The following ADRA1A variants were observed in gnomAD, a reference collection of about 807,000 sequenced individuals.
ADRA1A encodes adrenoceptor alpha 1A.
ADRA1A carries 31 observed loss-of-function variants against 29.6 expected under a neutral mutation model. The observed-to-expected ratio is 1.05, with a 90% CI of 0.79 to 1.41. ADRA1A has a LOEUF of 1.41. Ranked by LOEUF, ADRA1A falls within the 40% of genes most tolerant of loss-of-function variation. ADRA1A has a pLI of 0.00. For missense variants in ADRA1A, 619 were observed against 601.1 expected, an observed-to-expected ratio of 1.03 and a Z score of -0.31; for synonymous variants, 311 against 254.3, an observed-to-expected ratio of 1.22 and a Z score of -2.12.
chr8:26,779,236 A>G, intron 2 of ADRA1A: 1 of 694,006 alleles, frequency 1.4e-6, no homozygotes, highest in Non-Finnish European at 2.6e-6. Flanking sequence ...CCAGAAGAAT[A>G]TGTATCTAGT....
At chr8:26,770,789 T>C (rs1289332636) in intron 2 of ADRA1A, 123 bp from the exon 3 acceptor site, 17 of 1,366,740 alleles carry the variant, frequency 1.2e-5, no homozygotes, top group Non-Finnish European at 1.6e-5. Context: ...CAAACACATA[T>C]GAGTTTCTCA....
At chr8:26,855,200 A>C (rs1333249086) in intron 2 of ADRA1A, among the ~76,000 whole-genome samples, 2 of 133,476 alleles carry the variant, frequency 1.5e-5, no homozygotes, top group Non-Finnish European at 3.1e-5. Flanking sequence ...AATTTAACTA[A>C]AAGTGTGTGT....
intron 2 of ADRA1A, among the ~76,000 whole-genome samples, chr8:26,757,521 C>CT (rs1419079042): frequency 6.6e-6 from 1 of 151,690 alleles, no homozygotes; most frequent in African/African-American, 2.4e-5. Context: ...TTCCCCCACC[C>CT]CCCACCTCTG....
chr8:26,859,505 T>G (rs998954750), intron 2 of ADRA1A, among the ~76,000 whole-genome samples: 11 of 152,222 alleles, frequency 7.2e-5, no homozygotes. Context: ...CTTGCAATAA[T>G]TGTTGACAAT....
intron 2 of ADRA1A, among the ~76,000 whole-genome samples, chr8:26,794,440 T>C (rs189328926): frequency 2.0e-5 from 3 of 152,196 alleles, no homozygotes; most frequent in Admixed American, 6.6e-5. Flanking sequence ...CAGGGCCAGA[T>C]AGTAAATATT....
Position 26,757,050 on chromosome 8 carries a change from A to G in ADRA1A, c.1270-271T>C, listed in dbSNP as rs1805210073. 5.7e-6 allele frequency: 4 copies of G among 704,188 alleles called. No homozygotes were observed. In the South Asian group the frequency reaches 5.9e-5, roughly 10 times the overall value. 43.6% of individuals were successfully genotyped at this position (704,188 alleles called of 1,614,324 possible). ...CTTTCTCCAAACACTGAAAGAACTG[A>G]ATACTCTTCTTTTTAATTTGGGCCA... On this transcript the variant is annotated intron_variant, in intron 2 of 2. Coordinates refer to the ADRA1A transcript ENST00000380582.
At chr8:26,843,487 G>A (rs1206088450) in intron 2 of ADRA1A, among the ~76,000 whole-genome samples, 2 of 152,132 alleles carry the variant, frequency 1.3e-5, no homozygotes, top group East Asian at 3.8e-4. Context: ...AGTAGAGAGT[G>A]TAGGATTGTC....
intron 2 of ADRA1A, among the ~76,000 whole-genome samples, chr8:26,801,366 G>C (rs1280965717): frequency 6.6e-6 from 1 of 152,072 alleles, no homozygotes; most frequent in East Asian, 1.9e-4. Flanking sequence ...ATAATCTTAT[G>C]TTTGAAAAAA....
Position 26,866,985 on chromosome 8 carries a change from C to A in ADRA1A, c.-736G>T. 1 of 984,928 alleles carries A rather than the reference C, an allele frequency of 1.0e-6. No individual in the cohort carries two copies. The highest frequency in any genetic ancestry group is 5.2e-4 in the Middle Eastern group (1 of 1,916). 61.0% of individuals were successfully genotyped at this position (984,928 alleles called of 1,614,324 possible). ...AGCTCGCGCGCGGGGGATGTGGACC[C>A]GGCTTCGGTCCCGGGAGCTGCCTGC... On this transcript the variant is annotated 5_prime_UTR_variant, in exon 1 of 3. Transcript: ENST00000380573. This position sits in a 1 kb window ranked among gnomAD's most constrained non-coding sequence, Gnocchi z 5.7.
intron 2 of ADRA1A, among the ~76,000 whole-genome samples, chr8:26,858,379 G>A (rs930129627): frequency 2.0e-5 from 3 of 152,098 alleles, no homozygotes; most frequent in Non-Finnish European, 2.9e-5. Context: ...CACCCCTCAT[G>A]GCAACATCTG....
intron 2 of ADRA1A, among the ~76,000 whole-genome samples, chr8:26,811,788 G>C (rs1262978261): frequency 6.6e-6 from 1 of 152,142 alleles, no homozygotes; most frequent in Non-Finnish European, 1.5e-5. Context: ...CTACAGCTTA[G>C]TTCGATCTGC....
intron 2 of ADRA1A, among the ~76,000 whole-genome samples, chr8:26,813,882 A>G (rs2130555861): frequency 6.6e-6 from 1 of 152,290 alleles, no homozygotes; most frequent in South Asian, 2.1e-4. Flanking sequence ...GATGATGTTG[A>G]CAGCTAACAT....
chr8:26,865,310 C>T lies in ADRA1A; in HGVS notation c.-341G>A. On this transcript the variant is annotated 5_prime_UTR_variant, in exon 2 of 3. It removes an upstream start codon present in the reference 5' UTR. Transcript: ENST00000380573. The surrounding 1 kb of genome is among the most constrained non-coding windows in gnomAD (Gnocchi z 7.6). The stretch of plus-strand genomic sequence containing the variant: ...CGAAGATCCAGGAGACTCCTTGCAA[C>T]ATGCAATTCCAGAATTACGAGAATC... 1 of 1,136,084 alleles carries T rather than the reference C, an allele frequency of 8.8e-7. No homozygotes were observed. The highest frequency in any genetic ancestry group is 1.6e-5 in the African/African-American group (1 of 62,128). The allele number at this position is 1,136,084 out of a possible 1,614,324, so 70.4% of individuals were successfully genotyped here. A position where few individuals can be genotyped will look rare whatever the true frequency, so the allele number is the denominator to read the frequency against.
intron 2 of ADRA1A, among the ~76,000 whole-genome samples, chr8:26,861,661 A>G (rs1813475924): frequency 6.6e-6 from 1 of 152,146 alleles, no homozygotes; most frequent in South Asian, 2.1e-4. Flanking sequence ...GATACAAAAG[A>G]AAGGCTCATA....
At chr8:26,783,725 C>T (rs912569249) in intron 2 of ADRA1A, among the ~76,000 whole-genome samples, 9 of 152,178 alleles carry the variant, frequency 5.9e-5, no homozygotes, top group Non-Finnish European at 5.9e-5. Flanking sequence ...AAGATACATG[C>T]GTGTGTATGT....
At chr8:26,754,047 T>C (rs1430517627), downstream of ADRA1A, among the ~76,000 whole-genome samples, 1 of 152,190 alleles carries the variant, frequency 6.6e-6, no homozygotes, top group Non-Finnish European at 1.5e-5. Flanking sequence ...TCATTTTCTT[T>C]GAAAAGAAAC....
chr8:26,771,923 G>C (rs1253594673), intron 2 of ADRA1A: 1 of 152,506 alleles, frequency 6.6e-6, no homozygotes, highest in African/African-American at 2.4e-5. Context: ...TTTTGGCCTG[G>C]CTTGTCTGCC....
Position 26,864,296 on chromosome 8 carries a change from T to A in ADRA1A, c.674A>T (p.Asp225Val). The change falls in exon 2 of 3, where the codon GAC (aspartate) becomes GTC (valine). Residue 225 changes from aspartate to valine, a missense_variant. By Grantham distance (152) the Asp-to-Val change is radical. Coordinates refer to ENST00000380573, the MANE Select transcript of ADRA1A (RefSeq NM_000680.4). This position sits in a 1 kb window ranked among gnomAD's most constrained non-coding sequence, Gnocchi z 8.1. Reference protein sequence around the residue: ...SRGLKSGLKTDKSDSEQVTLR... With the variant: ...SRGLKSGLKTVKSDSEQVTLR... The stretch of plus-strand genomic sequence containing the variant: ...CGTCACTTGCTCCGAGTCCGACTTG[T>A]CGGTCTTGAGGCCAGACTTGAGGCC... The A allele has an allele frequency of 1.2e-6, 2 of 1,614,148 alleles. No homozygotes were observed. Among genetic ancestry groups the A allele is most frequent in the Non-Finnish European group, 1.7e-6 (2 of 1,180,032 alleles).
chr8:26,801,056 A>G (rs1483228621), intron 2 of ADRA1A, among the ~76,000 whole-genome samples: 1 of 152,204 alleles, frequency 6.6e-6, no homozygotes, highest in African/African-American at 2.4e-5. Flanking sequence ...TTGCTGAAAA[A>G]GCATTTGATA....
Sources: allele counts gnomAD v4.1 joint callset (sites outside exome capture counted in the v4.1 genomes callset), GRCh38; gene constraint gnomAD v4.1.1; non-coding constraint Gnocchi (gnomAD v3.1); transcripts MANE v1.5; gene names NCBI Gene and HGNC (gene_info 2026-07-23, HGNC 2026-07-21).